Variants in MBNL1 observed in about 807,000 individuals in gnomAD.
MBNL1 encodes the protein muscleblind-like protein 1.
In MBNL1, 8 loss-of-function variants were observed where a neutral mutation model predicts 42.2. The observed-to-expected ratio is 0.19, with a 90% CI of 0.11 to 0.34. MBNL1 has a LOEUF of 0.34. Among genes scored for constraint, MBNL1 ranks in the 10% least tolerant of loss-of-function variants. The pLI is 1.00. For missense variants in MBNL1, 309 were observed against 495.3 expected (o/e 0.62, Z 3.57); for synonymous variants, 169 against 173.9 (o/e 0.97, Z 0.22).
chr3:152,425,111 A>G (rs1283129476), intron 3 of MBNL1, among the ~76,000 whole-genome samples: 1 of 152,192 alleles, frequency 6.6e-6, no homozygotes, highest in Non-Finnish European at 1.5e-5. Flanking sequence ...CTATCATCAG[A>G]GTGAACAGGC....
At chr3:152,373,357 A>AT (rs934168889) in intron 2 of MBNL1, among the ~76,000 whole-genome samples, 7 of 150,512 alleles carry the variant, frequency 4.7e-5, no homozygotes, top group Non-Finnish European at 1.0e-4. Context: ...AAAAAAAAAA[A>AT]AAAAAAAACC....
chr3:152,260,569 T>C (rs563287946), intron 2 of MBNL1, among the ~76,000 whole-genome samples: 1 of 152,320 alleles, frequency 6.6e-6, no homozygotes, highest in South Asian at 2.1e-4. Context: ...AAGATATGTA[T>C]ATCTTCAAAA....
chr3:152,398,931 T>C (rs1396022700), intron 2 of MBNL1, among the ~76,000 whole-genome samples: 1 of 152,230 alleles, frequency 6.6e-6, no homozygotes, highest in African/African-American at 2.4e-5. Flanking sequence ...CAACTCTTCA[T>C]GTATAAATTT....
intron 1 of MBNL1, among the ~76,000 whole-genome samples, chr3:152,297,344 GT>G (rs1201662855): frequency 0.082 from 10,175 of 124,320 alleles, 357 homozygotes; most frequent in Middle Eastern, 0.13. Flanking sequence ...TGGGGATGAG[GT>G]TTTTTTTTTT....
intron 6 of MBNL1, among the ~76,000 whole-genome samples, chr3:152,451,937 A>C (rs1724006011): frequency 6.6e-6 from 1 of 152,196 alleles, no homozygotes; most frequent in African/African-American, 2.4e-5. Flanking sequence ...TGTAAGGTTT[A>C]GATTTAAGTA....
intron 2 of MBNL1, among the ~76,000 whole-genome samples, chr3:152,402,793 G>T (rs2153562103): frequency 6.6e-6 from 1 of 152,258 alleles, no homozygotes; most frequent in East Asian, 1.9e-4. Flanking sequence ...TTTGAGAGCT[G>T]TTTTATTGGA....
At chr3:152,426,912 A>G (rs928459738) in intron 3 of MBNL1, among the ~76,000 whole-genome samples, 4 of 152,234 alleles carry the variant, frequency 2.6e-5, no homozygotes, top group African/African-American at 9.6e-5. Flanking sequence ...TGTTCCAAGC[A>G]TTTGTTGCCA....
At chr3:152,369,221 G>C (rs1314339146) in intron 2 of MBNL1, among the ~76,000 whole-genome samples, 3 of 152,116 alleles carry the variant, frequency 2.0e-5, no homozygotes, top group Non-Finnish European at 4.4e-5. Context: ...TAGCATGAAG[G>C]GGTGTTGAAT....
chr3:152,262,797 A>G (rs2036525820), intron 2 of MBNL1: 1 of 152,248 alleles, frequency 6.6e-6, no homozygotes, highest in South Asian at 2.1e-4. Context: ...AATGGTAGAA[A>G]GTGTTTTACA....
At chr3:152,406,558 C>T (rs756034877) in intron 2 of MBNL1, among the ~76,000 whole-genome samples, 1 of 152,092 alleles carries the variant, frequency 6.6e-6, no homozygotes, top group Non-Finnish European at 1.5e-5. Context: ...TCATGCATTA[C>T]ATAATGTTCT....
At chr3:152,439,340 T>C (rs942754872) in intron 4 of MBNL1, among the ~76,000 whole-genome samples, 2 of 152,180 alleles carry the variant, frequency 1.3e-5, no homozygotes, top group Admixed American at 6.5e-5. Context: ...TTTAGGTGTT[T>C]AGTGGATTTA....
chr3:152,381,570 TAAA>T (rs1462724676), intron 2 of MBNL1, among the ~76,000 whole-genome samples: 1 of 151,994 alleles, frequency 6.6e-6, no homozygotes, highest in African/African-American at 2.4e-5. Context: ...AATCATTTGT[TAAA>T]AAACTCATTT....
At chr3:152,371,871 C>A (rs2096677870) in intron 2 of MBNL1, among the ~76,000 whole-genome samples, 1 of 152,126 alleles carries the variant, frequency 6.6e-6, no homozygotes, top group African/African-American at 2.4e-5. Context: ...GGGAAGTTCT[C>A]CTGGATAATA....
At position 152,304,013 on chromosome 3, in the gene MBNL1, T is replaced by C. The variant is rs1577442335; in HGVS notation, c.174+3646T>C. On this transcript the variant is annotated intron_variant, in intron 2 of 9. Transcript: ENST00000324210. Reference sequence around the variant, plus strand: ...ATAAATAGCACCCCGATCAGATTTATCATAGACACATTTGAGATCAGATTC... The same window carrying C: ...ATAAATAGCACCCCGATCAGATTTACCATAGACACATTTGAGATCAGATTC... Among the ~76,000 whole-genome samples the C allele has an allele frequency of 2.0e-5, 3 of 152,182 alleles. No individual in the cohort carries two copies. The East Asian group carries it at 5.8e-4, about 29-fold the overall frequency.
chr3:152,337,277 A>T (rs2090893206), intron 2 of MBNL1, among the ~76,000 whole-genome samples: 1 of 152,134 alleles, frequency 6.6e-6, no homozygotes, highest in Non-Finnish European at 1.5e-5. Flanking sequence ...TGAAGCAGAG[A>T]TTCAGGAAAA....
intron 2 of MBNL1, among the ~76,000 whole-genome samples, chr3:152,337,362 G>A (rs548209146): frequency 1.3e-5 from 2 of 152,290 alleles, no homozygotes; most frequent in East Asian, 3.9e-4. Flanking sequence ...GCTCACGCCT[G>A]TAATGCCAGT....
chr3:152,432,620 A>G (rs2099021796), intron 3 of MBNL1, 97 bp from the exon 4 acceptor site: 1 of 1,065,872 alleles, frequency 9.4e-7, no homozygotes, highest in South Asian at 1.3e-5. Context: ...GGCCTAAGGA[A>G]GAATGGATAG....
intron 2 of MBNL1, among the ~76,000 whole-genome samples, chr3:152,396,620 A>T (rs1301129803): frequency 6.6e-6 from 1 of 152,124 alleles, no homozygotes; most frequent in African/African-American, 2.4e-5. Flanking sequence ...CCCTGGTTTC[A>T]CAGCGCACTT....
intron 2 of MBNL1, among the ~76,000 whole-genome samples, chr3:152,307,124 G>GCGTGTA (rs2063584759): frequency 6.6e-6 from 1 of 152,010 alleles, no homozygotes; most frequent in Non-Finnish European, 1.5e-5. Context: ...CGAGTAGCTG[G>GCGTGTA]TCCTACAGGC....
Sources: gnomAD v4.1 joint callset for allele counts (sites outside exome capture counted in the v4.1 genomes callset) on GRCh38, gnomAD v4.1.1 for gene constraint, MANE v1.5 for transcripts, NCBI Gene and HGNC (gene_info 2026-07-23, HGNC 2026-07-21) for gene names.